Variants in MYOCD observed in about 807,000 individuals in gnomAD.
MYOCD encodes the protein myocardin.
Under a neutral mutation model 96.1 loss-of-function variants are expected in MYOCD, and 32 were observed. That is an observed-to-expected ratio of 0.33 (90% CI 0.25 to 0.45). MYOCD has a LOEUF of 0.45. Ranked by LOEUF, MYOCD falls within the 20% of genes least tolerant of loss-of-function variation. The pLI is 1.00. For missense variants in MYOCD, 1,133 were observed against 1,200.6 expected (o/e 0.94, Z 0.83); for synonymous variants, 469 against 469.0 (o/e 1.00, Z 0.00).
intron 1 of MYOCD, among the ~76,000 whole-genome samples, chr17:12,693,093 T>C (rs968184169): frequency 6.6e-6 from 1 of 152,110 alleles, no homozygotes; most frequent in African/African-American, 2.4e-5. Flanking sequence ...CTATGCATTT[T>C]TAAATAATTA....
At chr17:12,741,431 A>G (rs2032504493) in intron 7 of MYOCD, among the ~76,000 whole-genome samples, 1 of 152,102 alleles carries the variant, frequency 6.6e-6, no homozygotes. Context: ...TTAGCAGTGG[A>G]GCATGGTGGC....
At chr17:12,671,666 T>C (rs1175102341) in intron 1 of MYOCD, among the ~76,000 whole-genome samples, 2 of 152,190 alleles carry the variant, frequency 1.3e-5, no homozygotes, top group Non-Finnish European at 2.9e-5. Flanking sequence ...TTGTCTTTTA[T>C]CTGCTACAGC....
chr17:12,757,896 G>A (rs1044222344), intron 11 of MYOCD, among the ~76,000 whole-genome samples, 189 bp from the exon 12 acceptor site: 4 of 152,038 alleles, frequency 2.6e-5, no homozygotes, highest in Admixed American at 6.6e-5. Flanking sequence ...ATTCTAAGAC[G>A]CCACCACCAA....
intron 12 of MYOCD, 111 bp from the exon 13 acceptor site, chr17:12,760,539 A>G: frequency 1.2e-6 from 1 of 864,528 alleles, no homozygotes; most frequent in Non-Finnish European, 1.9e-6. Flanking sequence ...TTGGAAAAAA[A>G]AATACCTTGA....
At chr17:12,741,031 C>A (rs941911429) in intron 7 of MYOCD, among the ~76,000 whole-genome samples, 3 of 1,698 alleles carry the variant, frequency 1.8e-3, no homozygotes, top group African/African-American at 7.8e-3. Flanking sequence ...AGCCACCGTG[C>A]CTGGCCTATA....
intron 1 of MYOCD, among the ~76,000 whole-genome samples, chr17:12,679,060 C>T (rs1366396413): frequency 3.3e-5 from 5 of 152,118 alleles, no homozygotes; most frequent in Admixed American, 3.3e-4. Flanking sequence ...ACTCTCGTCT[C>T]GGGGCTTGCA....
intron 1 of MYOCD, among the ~76,000 whole-genome samples, chr17:12,684,056 G>A (rs1168581526): frequency 1.3e-5 from 2 of 152,142 alleles, no homozygotes; most frequent in Admixed American, 6.5e-5. Flanking sequence ...TGATCAAAGA[G>A]TGTGTCATAT....
intron 2 of MYOCD, among the ~76,000 whole-genome samples, chr17:12,706,303 C>T (rs1369993555): frequency 2.6e-5 from 4 of 152,138 alleles, no homozygotes; most frequent in East Asian, 1.9e-4. Flanking sequence ...GTTTAAACAA[C>T]GTTGACAACT....
At chr17:12,705,465 C>T in intron 2 of MYOCD, 1 of 321,234 alleles carries the variant, frequency 3.1e-6, no homozygotes, top group South Asian at 1.3e-4. Flanking sequence ...TTATGGGCAC[C>T]CCTGACTCAT....
intron 4 of MYOCD, among the ~76,000 whole-genome samples, chr17:12,722,196 G>A (rs2031858805): frequency 6.6e-6 from 1 of 152,162 alleles, no homozygotes; most frequent in African/African-American, 2.4e-5. Flanking sequence ...ACAGAAATAA[G>A]TCAGGGCCCA....
intron 12 of MYOCD, among the ~76,000 whole-genome samples, chr17:12,759,517 C>T (rs544068924): frequency 6.6e-6 from 1 of 152,112 alleles, no homozygotes; most frequent in African/African-American, 2.4e-5. Context: ...TATTGATTAC[C>T]GATACCTATG....
chr17:12,697,290 G>T (rs1567576117), intron 1 of MYOCD, among the ~76,000 whole-genome samples: 1 of 147,908 alleles, frequency 6.8e-6, no homozygotes, highest in East Asian at 2.0e-4. Flanking sequence ...ATTACTTAGG[G>T]TTCCAATTCG....
At chr17:12,716,261 A>G (rs995714991) in intron 3 of MYOCD, among the ~76,000 whole-genome samples, 5 of 152,096 alleles carry the variant, frequency 3.3e-5, no homozygotes, top group African/African-American at 1.2e-4. Flanking sequence ...GGGATCTGCA[A>G]CTCTTCAAAG....
chr17:12,736,086 A>G lies in MYOCD; in HGVS notation c.416-75A>G, dbSNP rs2032330316. On this transcript the variant is annotated intron_variant, in intron 5 of 13. Transcript: ENST00000425538. ...GAGGTGTATTTTTAATAGAAATGAC[A>G]CATCGAAGCATTTCCAAAAATGCCC... The G allele has an allele frequency of 5.1e-6, 6 of 1,165,656 alleles. No homozygotes were observed. In the South Asian group the frequency reaches 6.9e-5, roughly 13 times the overall value. 72.2% of individuals were successfully genotyped at this position (1,165,656 alleles called of 1,614,324 possible). A position where few individuals can be genotyped will look rare whatever the true frequency, so the allele number is the denominator to read the frequency against.
chr17:12,756,698 A>C, intron 11 of MYOCD, 141 bp downstream of exon 11: 6 of 334,182 alleles, frequency 1.8e-5, no homozygotes, highest in South Asian at 5.7e-5. Context: ...TGCATCTCAA[A>C]AAAAAAAAAA....
intron 2 of MYOCD, among the ~76,000 whole-genome samples, chr17:12,708,825 GAACCT>G (rs2031387766): frequency 6.6e-6 from 1 of 152,162 alleles, no homozygotes; most frequent in African/African-American, 2.4e-5. Context: ...GCTGAGGCCA[GAACCT>G]GTGTCTCCTG....
chr17:12,750,410 C>T (rs188017957), intron 9 of MYOCD, among the ~76,000 whole-genome samples: 416 of 152,024 alleles, frequency 2.7e-3, no homozygotes, highest in South Asian at 5.0e-3. Flanking sequence ...AATTTTGGGC[C>T]GGGCGCTATG....
intron 10 of MYOCD, among the ~76,000 whole-genome samples, chr17:12,753,707 T>C (rs2032929797): frequency 6.6e-6 from 1 of 152,216 alleles, no homozygotes; most frequent in Non-Finnish European, 1.5e-5. Context: ...TTTTAAAAAA[T>C]AGTCAGTGAG....
At chr17:12,700,723 C>T (rs138343980) in intron 1 of MYOCD, among the ~76,000 whole-genome samples, 3 of 151,158 alleles carry the variant, frequency 2.0e-5, no homozygotes, top group Non-Finnish European at 4.4e-5. Context: ...TTATAAACTT[C>T]GTCTTCATTT....
Sources: allele counts gnomAD v4.1 joint callset (sites outside exome capture counted in the v4.1 genomes callset), GRCh38; gene constraint gnomAD v4.1.1; transcripts MANE v1.5; gene names NCBI Gene and HGNC (gene_info 2026-07-23, HGNC 2026-07-21).